The following GNG2 variants were observed in gnomAD, a reference collection of about 807,000 sequenced individuals.
GNG2 encodes G protein subunit gamma 2.
GNG2 carries 5 observed loss-of-function variants against 5.5 expected under a neutral mutation model. The observed-to-expected ratio is 0.91, with a 90% CI of 0.48 to 1.92. The LOEUF is 1.92. GNG2 is among the 30% of genes most tolerant of loss of function. The pLI is 0.01. For missense variants in GNG2, 55 were observed against 88.4 expected, an observed-to-expected ratio of 0.62 and a Z score of 1.52; for synonymous variants, 28 against 32.0, an observed-to-expected ratio of 0.88 and a Z score of 0.42.
chr14:51,906,920 T>C (rs1319562035), intron 2 of GNG2, among the ~76,000 whole-genome samples: 5 of 151,976 alleles, frequency 3.3e-5, no homozygotes, highest in Admixed American at 1.3e-4. Flanking sequence ...CACACCCGGC[T>C]AATTTTTTGT....
At chr14:51,862,971 A>C (rs1314804880) in intron 1 of GNG2, among the ~76,000 whole-genome samples, 1 of 138,034 alleles carries the variant, frequency 7.2e-6, no homozygotes, top group Non-Finnish European at 1.5e-5. Flanking sequence ...CCAACACAGA[A>C]ATTTTAATTG....
intron 3 of GNG2, 99 bp downstream of exon 3, chr14:51,950,864 G>C (rs1888936680): frequency 1.7e-6 from 1 of 582,982 alleles, no homozygotes; most frequent in Non-Finnish European, 2.9e-6. Flanking sequence ...GTAATGACAG[G>C]AGAGCATCTT....
intron 2 of GNG2, chr14:51,914,340 A>G (rs767715301): frequency 2.9e-6 from 2 of 699,814 alleles, no homozygotes; most frequent in Non-Finnish European, 5.2e-6. Context: ...CTGATGAAGA[A>G]ACACAGGCCA....
At chr14:51,842,190 G>A (rs1052827628) in intron 2 of GNG2, among the ~76,000 whole-genome samples, 3 of 152,192 alleles carry the variant, frequency 2.0e-5, no homozygotes, top group Non-Finnish European at 4.4e-5. Context: ...TGAGACTATT[G>A]TCCTGATAAT....
At chr14:51,959,844 T>A (rs999513303) in intron 3 of GNG2, among the ~76,000 whole-genome samples, 1 of 152,164 alleles carries the variant, frequency 6.6e-6, no homozygotes, top group Admixed American at 6.6e-5. Flanking sequence ...TTTTATTTTC[T>A]TATGAACTTA....
At chr14:51,917,493 TAAA>T (rs1312713086) in intron 2 of GNG2, 4 of 441,436 alleles carry the variant, frequency 9.1e-6, no homozygotes, top group Non-Finnish European at 1.8e-5. Context: ...CAGAGTTTAT[TAAA>T]ACCATGTCTT....
chr14:51,876,097 C>A (rs1326194431), intron 1 of GNG2, among the ~76,000 whole-genome samples: 1 of 151,976 alleles, frequency 6.6e-6, no homozygotes, highest in Admixed American at 6.6e-5. Flanking sequence ...ATCACCATGC[C>A]TGGCTAACTT....
intron 2 of GNG2, among the ~76,000 whole-genome samples, chr14:51,844,765 A>G (rs1299269063): frequency 2.6e-5 from 4 of 151,840 alleles, no homozygotes; most frequent in African/African-American, 7.3e-5. Context: ...TCACACTGTC[A>G]CCCAGGCTGT....
chr14:51,905,552 C>T (rs1020076235), intron 2 of GNG2, among the ~76,000 whole-genome samples: 1 of 152,164 alleles, frequency 6.6e-6, no homozygotes, highest in African/African-American at 2.4e-5. Flanking sequence ...ACCTTAGTTA[C>T]CTTTACTCTT....
At chr14:51,946,622 C>T (rs1888658837) in intron 2 of GNG2, among the ~76,000 whole-genome samples, 1 of 152,172 alleles carries the variant, frequency 6.6e-6, no homozygotes, top group South Asian at 2.1e-4. Flanking sequence ...TCATCTTCCT[C>T]TCTCCTCCTC....
chr14:51,883,897 A>G (rs10140188), intron 2 of GNG2, among the ~76,000 whole-genome samples: 130 of 152,296 alleles, frequency 8.5e-4, no homozygotes, highest in African/African-American at 2.9e-3. Flanking sequence ...TTATGATTTT[A>G]GTTAGGTTTT....
chr14:51,933,563 C>T (rs1214381947), intron 2 of GNG2, among the ~76,000 whole-genome samples: 2 of 152,044 alleles, frequency 1.3e-5, no homozygotes, highest in Non-Finnish European at 2.9e-5. Flanking sequence ...AATGGCATTG[C>T]TTTAGTAAGG....
rs192875115 is a variant in GNG2, at chr14:51,941,756, G to A, written c.-29-8894G>A. ...AAAGTTCCTTCTGAAAGAAATTAAA[G>A]TGCTGAATGTGTTTTTAGAAAATGA... is the stretch of plus-strand genomic sequence containing the variant. On this transcript the variant is annotated intron_variant, in intron 2 of 3. Coordinates refer to ENST00000556766, the MANE Select transcript of GNG2 (RefSeq NM_053064.5). Among the ~76,000 whole-genome samples, 300 of 152,290 alleles carry A rather than the reference G, an allele frequency of 2.0e-3. 1 individual carries two copies. The highest frequency in any genetic ancestry group is 7.0e-3 in the African/African-American group (289 of 41,546).
chr14:51,890,279 C>A (rs1194351980), intron 2 of GNG2, among the ~76,000 whole-genome samples: 1 of 152,172 alleles, frequency 6.6e-6, no homozygotes, highest in Non-Finnish European at 1.5e-5. Context: ...GGTCTATTCC[C>A]AACAAATCAG....
At chr14:51,868,658 C>T (rs1056092753) in intron 1 of GNG2, among the ~76,000 whole-genome samples, 16 of 152,216 alleles carry the variant, frequency 1.1e-4, no homozygotes, top group African/African-American at 3.9e-4. Flanking sequence ...GGTGCAGGTG[C>T]CTTTCTGAAA....
intron 1 of GNG2, among the ~76,000 whole-genome samples, chr14:51,871,872 C>T (rs1315130815): frequency 6.6e-6 from 1 of 152,186 alleles, no homozygotes; most frequent in African/African-American, 2.4e-5. Flanking sequence ...TGTGCTTAGC[C>T]ATCAATATCT....
intron 1 of GNG2, among the ~76,000 whole-genome samples, chr14:51,872,895 C>T (rs1203845095): frequency 6.6e-6 from 1 of 152,144 alleles, no homozygotes; most frequent in East Asian, 1.9e-4. Flanking sequence ...TCTTTTATAA[C>T]ACTTTACATG....
chr14:51,913,380 G>A (rs1886406141), intron 2 of GNG2: 1 of 152,208 alleles, frequency 6.6e-6, no homozygotes, highest in African/African-American at 2.4e-5. Flanking sequence ...CCAGTGTGGT[G>A]GCTTGTGCCT....
chr14:51,830,799 G>C (rs185039480), intron 2 of GNG2, among the ~76,000 whole-genome samples: 13 of 152,228 alleles, frequency 8.5e-5, no homozygotes, highest in African/African-American at 2.4e-4. Flanking sequence ...GTCAACTCTC[G>C]TTACTGCAGC....
Sources: gnomAD v4.1 joint callset for allele counts (sites outside exome capture counted in the v4.1 genomes callset) on GRCh38, gnomAD v4.1.1 for gene constraint, MANE v1.5 for transcripts, NCBI Gene and HGNC (gene_info 2026-07-23, HGNC 2026-07-21) for gene names.